URB1: variants seen among roughly 807,000 people sequenced by gnomAD.
The protein encoded by URB1 is URB1 ribosome biogenesis factor, also known as nucleolar pre-ribosomal-associated protein 1.
A neutral mutation model predicts 242.3 loss-of-function variants in URB1; 197 were observed. That is an observed-to-expected ratio of 0.81 (90% CI 0.72 to 0.91). The LOEUF (loss-of-function observed/expected upper bound fraction) is 0.91, where lower values mean the gene tolerates loss of function less well. Ranked by LOEUF, URB1 falls within the 40% of genes least tolerant of loss-of-function variation. The probability of loss-of-function intolerance (pLI) is 0.00; values close to 1 mark genes in which losing one functional copy is unlikely to be tolerated. For synonymous variants in URB1, 1,153 were observed against 1,201.8 expected (o/e 0.96, Z 0.84); for missense variants, 2,721 against 2,860.5 (o/e 0.95, Z 1.11).
rs2032592498 is a variant in URB1 at position 32,312,000 on chromosome 21, C to T, written c.*2918G>A. On this transcript the variant is annotated 3_prime_UTR_variant, in exon 39 of 39. Coordinates refer to ENST00000382751, the MANE Select transcript of URB1 (RefSeq NM_014825.3). Reference sequence around the variant, plus strand: ...GACCTCTCAATTGCAGAGCTGATGTCAGTAAATCGTGGCCATAGCTGAGTG... The same window carrying T: ...GACCTCTCAATTGCAGAGCTGATGTTAGTAAATCGTGGCCATAGCTGAGTG... 1 of 1,612,982 alleles carries T rather than the reference C, an allele frequency of 6.2e-7. No homozygotes were observed. The highest frequency in any genetic ancestry group is 1.1e-5 in the South Asian group (1 of 91,080).
At chr21:32,330,197 G>GTT (rs34078592) in intron 30 of URB1, among the ~76,000 whole-genome samples, 149 of 84,612 alleles carry the variant, frequency 1.8e-3, no homozygotes, top group East Asian at 6.2e-3. Flanking sequence ...TTTGGGGAGT[G>GTT]TTTTTTTTTT....
At chr21:32,385,489 T>G in intron 2 of URB1, 56 bp downstream of exon 2, 1 of 1,519,974 alleles carries the variant, frequency 6.6e-7, no homozygotes, top group Non-Finnish European at 8.8e-7. Context: ...CTCATCAAAC[T>G]TAACAGCAGC....
chr21:32,344,750 G>A lies in URB1; in HGVS notation c.4077C>T (p.Ile1359=), dbSNP rs747425388. 57 of 1,550,336 alleles carry A rather than the reference G, an allele frequency of 3.7e-5. No homozygotes were observed. The highest frequency in any genetic ancestry group is 8.3e-5 in the South Asian group (7 of 83,882). Residue 1359 remains isoleucine, a synonymous_variant, in exon 24 of 39, where the codon ATC becomes ATT. Coordinates refer to ENST00000382751, the MANE Select transcript of URB1 (RefSeq NM_014825.3). ...GAGCTGCTGAAATGGAGTCGGCCAC[G>A]ATCCACCTGCAGCAGGAGATGAGAG... ...LHTPSSHKRW[I]VADSISAALE... is the part of the protein sequence containing the mutation.
At position 32,322,589 on chromosome 21, in the gene URB1, G is replaced by T; in HGVS notation, c.5234-5C>A. On this transcript the variant is annotated splice_polypyrimidine_tract_variant and splice_region_variant and intron_variant, in intron 32 of 38. Coordinates refer to ENST00000382751, the MANE Select transcript of URB1 (RefSeq NM_014825.3). ...CCTTCAGGTACATGTGCTCCTCTGAGAACACAGGCAGTCAGTCAGTCATGG... is the reference window on the plus strand; with the variant it reads ...CCTTCAGGTACATGTGCTCCTCTGATAACACAGGCAGTCAGTCAGTCATGG... 8 of 1,550,312 alleles carry T rather than the reference G, an allele frequency of 5.2e-6. No individual in the cohort carries two copies. Among genetic ancestry groups the T allele is most frequent in the Non-Finnish European group, 7.0e-6 (8 of 1,145,810 alleles).
chr21:32,324,685 G>A (rs2032808018), intron 31 of URB1, 83 bp from the exon 32 acceptor site: 6 of 1,036,814 alleles, frequency 5.8e-6, no homozygotes, highest in Non-Finnish European at 8.7e-6. Context: ...GCCGAACCAG[G>A]GCTCGGCAGG....
chr21:32,322,659 A>G, intron 32 of URB1, 75 bp from the exon 33 acceptor site: 1 of 1,071,464 alleles, frequency 9.3e-7, no homozygotes, highest in South Asian at 1.3e-5. Context: ...ACTAAGAGGC[A>G]GGCATTCTGG....
At position 32,361,094 on chromosome 21, in the gene URB1, C is replaced by G; in HGVS notation, c.1669G>C (p.Val557Leu). 6.5e-7 allele frequency: 1 copy of G among 1,542,786 alleles called. No homozygotes were observed. Among genetic ancestry groups the G allele is most frequent in the Non-Finnish European group, 8.7e-7 (1 of 1,144,250 alleles). ...TAGAGGCATATGACCTGGAGCAAAA[C>G]AGCTTTCAAAAGAATGGTTTCTGCA... ...DDAETILLKAVLLQVICLYQK... is the reference protein window; with the variant it reads ...DDAETILLKALLLQVICLYQK... Residue 557 changes from valine (V) to leucine (L), a missense_variant, in exon 13 of 39, where the codon GTT (valine) becomes CTT (leucine). Coordinates refer to ENST00000382751, the MANE Select transcript of URB1 (RefSeq NM_014825.3).
intron 21 of URB1, among the ~76,000 whole-genome samples, chr21:32,348,849 G>A (rs79117451): frequency 3.3e-5 from 5 of 152,196 alleles, no homozygotes; most frequent in East Asian, 1.9e-4. Flanking sequence ...TCCTGAACCC[G>A]GTAAAACAGG....
chr21:32,355,112 T>C (rs1043443950), intron 16 of URB1, 115 bp from the exon 17 acceptor site: 10 of 1,291,748 alleles, frequency 7.7e-6, no homozygotes, highest in Non-Finnish European at 1.0e-5. Context: ...AATCCTTAAT[T>C]AGAATAGTTT....
chr21:32,375,337 G>A, intron 6 of URB1, 61 bp downstream of exon 6: 2 of 1,095,976 alleles, frequency 1.8e-6, no homozygotes, highest in Non-Finnish European at 2.6e-6. Flanking sequence ...TAAAACACCG[G>A]AGAATATCTC....
Position 32,315,869 on chromosome 21 carries a change from C to T in URB1, c.6634+597G>A, listed in dbSNP as rs115585420. ...CCGATAGGCTGCCAGCCCCTCCCTC[C>T]CCTGGGCCCCCACATTCCTCTGTGA... On this transcript the variant is annotated intron_variant, in intron 38 of 38. Transcript: ENST00000382751. Among the ~76,000 whole-genome samples, 384 of 152,338 alleles carry T rather than the reference C, an allele frequency of 2.5e-3. 1 individual carries two copies. The highest frequency in any genetic ancestry group is 8.4e-3 in the African/African-American group (350 of 41,586).
At chr21:32,362,689 C>T (rs1320622779) in intron 11 of URB1, among the ~76,000 whole-genome samples, 1 of 152,158 alleles carries the variant, frequency 6.6e-6, no homozygotes, top group East Asian at 1.9e-4. Flanking sequence ...GCTCTCAGAG[C>T]AGCCGGCCAG....
chr21:32,325,372 G>T lies in URB1; in HGVS notation c.4978C>A (p.Arg1660=), dbSNP rs1217044189. The change falls in exon 31 of 39, where the codon CGA becomes AGA. Residue 1660 remains arginine, a synonymous_variant. Transcript: ENST00000382751. Reference sequence around the variant, plus strand: ...AGAGCATTTGAATCCAAAAATTTTCGACAATCCACCACAAACTCTGCAGGA... The same window carrying T: ...AGAGCATTTGAATCCAAAAATTTTCTACAATCCACCACAAACTCTGCAGGA... ...LTRPEFVVDC[R]KFLDSNALGL... The T allele has an allele frequency of 5.4e-5, 84 of 1,550,496 alleles. 1 individual carries two copies. Among genetic ancestry groups the T allele is most frequent in the Non-Finnish European group, 2.6e-6 (3 of 1,146,150 alleles).
Position 32,316,590 on chromosome 21 carries a change from G to A in URB1, c.6510C>T (p.Ala2170=). 1 of 1,551,454 alleles carries A rather than the reference G, an allele frequency of 6.4e-7. No homozygotes were observed. The highest frequency in any genetic ancestry group is 8.7e-7 in the Non-Finnish European group (1 of 1,146,960). The change falls in exon 38 of 39, where the codon GCC becomes GCT. Residue 2170 remains alanine, a synonymous_variant. Transcript: ENST00000382751. ...GCAGCATGACCGTATTGAACAGGCA[G>A]GCCACCTCCTGCACAGGCCCTGCCA... ...EGLAGPVQEV[A]CLFNTVMLQL...
chr21:32,367,421 A>G (rs983899564), intron 9 of URB1, among the ~76,000 whole-genome samples: 2 of 152,210 alleles, frequency 1.3e-5, no homozygotes, highest in African/African-American at 4.8e-5. Flanking sequence ...TCCCAAGGGT[A>G]AATGTGGAGA....
In URB1 at chr21:32,347,362, T is replaced by C. The variant is rs986474406; in HGVS notation, c.3462A>G (p.Gly1154=). 1.9e-6 allele frequency: 3 copies of C among 1,551,268 alleles called. No individual in the cohort carries two copies. Among genetic ancestry groups the C allele is most frequent in the Non-Finnish European group, 8.7e-7 (1 of 1,146,974 alleles). ...AGGTCAGCAGCTGCACCAGGGTCTT[T>C]CCAAGAGCATTCAGGTGTCTTTCCT... ...PGKERHLNAL[G]KTLVQLLTCS... The change falls in exon 22 of 39, where the codon GGA becomes GGG. Residue 1154 remains glycine, a synonymous_variant. Transcript: ENST00000382751.
At chr21:32,337,066 C>T (rs1218583374) in intron 28 of URB1, 28 bp downstream of exon 28, 12 of 1,547,634 alleles carry the variant, frequency 7.8e-6, no homozygotes, top group Middle Eastern at 3.3e-4. Flanking sequence ...GACCTCAAGG[C>T]CTAGTCTACC....
intron 9 of URB1, among the ~76,000 whole-genome samples, chr21:32,367,644 A>T (rs2033360994): frequency 1.3e-5 from 2 of 152,250 alleles, no homozygotes; most frequent in African/African-American, 4.8e-5. Flanking sequence ...ATCAAAAGGA[A>T]GGTAACGCAC....
chr21:32,333,972 C>T (rs1226812511), intron 29 of URB1, among the ~76,000 whole-genome samples, 191 bp downstream of exon 29: 5 of 152,170 alleles, frequency 3.3e-5, no homozygotes, highest in Non-Finnish European at 1.5e-5. Flanking sequence ...ACAGAACAAG[C>T]GTGGCCAGTG....
Sources: allele counts gnomAD v4.1 joint callset (sites outside exome capture counted in the v4.1 genomes callset), GRCh38; gene constraint gnomAD v4.1.1; transcripts MANE v1.5; gene names NCBI Gene and HGNC (gene_info 2026-07-23, HGNC 2026-07-21).